PPEF1: variants seen among roughly 807,000 people sequenced by gnomAD.
PPEF1 encodes the protein protein phosphatase with EF-hand domain 1, also known as serine/threonine-protein phosphatase with EF-hands 1.
In PPEF1, 12 loss-of-function variants were observed where a neutral mutation model predicts 53.3. The ratio of observed to expected loss-of-function variants is 0.23; its 90% CI spans 0.14 to 0.36. The LOEUF (loss-of-function observed/expected upper bound fraction) is 0.36, where lower values mean the gene tolerates loss of function less well. Among genes scored for constraint, PPEF1 ranks in the 10% least tolerant of loss-of-function variants. The probability of loss-of-function intolerance (pLI) is 1.00; values close to 1 mark genes in which losing one functional copy is unlikely to be tolerated. For missense variants in PPEF1, 334 were observed against 490.4 expected, an observed-to-expected ratio of 0.68 and a Z score of 3.01; for synonymous variants, 165 against 176.7, an observed-to-expected ratio of 0.93 and a Z score of 0.52.
At chrX:18,811,476 G>C (rs1034849784) in intron 12 of PPEF1, among the ~76,000 whole-genome samples, 1 of 109,203 alleles carries the variant, frequency 9.2e-6, no homozygotes, top group Non-Finnish European at 1.9e-5. Context: ...TTGGACATTT[G>C]TACATCTTCT....
intron 1 of PPEF1, among the ~76,000 whole-genome samples, chrX:18,710,644 G>A (rs1008770166): frequency 3.6e-5 from 4 of 111,249 alleles, no homozygotes; most frequent in African/African-American, 6.5e-5. Context: ...CTTACATACC[G>A]GTCAGAATGG....
chrX:18,758,110 G>C (rs976775598), intron 5 of PPEF1, among the ~76,000 whole-genome samples: 1 of 111,731 alleles, frequency 9.0e-6, no homozygotes. Flanking sequence ...AGAAAAGCCC[G>C]TGGCGGGGTG....
chrX:18,783,220 G>A (rs888275437), intron 8 of PPEF1, among the ~76,000 whole-genome samples: 1 of 109,841 alleles, frequency 9.1e-6, no homozygotes, highest in African/African-American at 3.3e-5. Flanking sequence ...CTGGGCCACA[G>A]AGGTTGTCCC....
At chrX:18,760,446 A>G (rs1044302439) in intron 5 of PPEF1, among the ~76,000 whole-genome samples, 1 of 111,302 alleles carries the variant, frequency 9.0e-6, no homozygotes, top group African/African-American at 3.3e-5. Context: ...AAAAAGCTAT[A>G]TACTTAGCCA....
At chrX:18,781,145 A>G (rs1232321417) in intron 7 of PPEF1, among the ~76,000 whole-genome samples, 1 of 110,384 alleles carries the variant, frequency 9.1e-6, no homozygotes, top group Non-Finnish European at 1.9e-5. Context: ...ATCATTCACG[A>G]TATTGGGAAT....
intron 10 of PPEF1, among the ~76,000 whole-genome samples, chrX:18,794,055 A>T (rs371657993): frequency 8.9e-6 from 1 of 112,315 alleles, no homozygotes; most frequent in African/African-American, 3.2e-5. Context: ...AGCCTTCACT[A>T]ATTGCTAGCC....
At chrX:18,746,219 ATTG>A (rs2045326291) in intron 3 of PPEF1, among the ~76,000 whole-genome samples, 1 of 112,479 alleles carries the variant, frequency 8.9e-6, no homozygotes, top group African/African-American at 3.2e-5. Context: ...TCATTAAATT[ATTG>A]TTATTAGTTA....
chrX:18,816,692 T>G (rs1391257985), intron 12 of PPEF1, among the ~76,000 whole-genome samples: 5 of 112,006 alleles, frequency 4.5e-5, no homozygotes, highest in African/African-American at 1.3e-4. Context: ...CCGTTTTTGC[T>G]TCATGTAGTT....
chrX:18,775,702 C>G (rs1231049221), intron 6 of PPEF1, among the ~76,000 whole-genome samples: 3 of 112,034 alleles, frequency 2.7e-5, no homozygotes, highest in Admixed American at 9.5e-5. Context: ...GTCTGTCTCT[C>G]TCTAGTTGCC....
chrX:18,781,225 AC>A (rs771478938), intron 7 of PPEF1, among the ~76,000 whole-genome samples: 1 of 110,605 alleles, frequency 9.0e-6, no homozygotes, highest in East Asian at 2.9e-4. Flanking sequence ...GATTTGAGGT[AC>A]TATTGAGTAG....
At chrX:18,821,340 TAGAG>T (rs1296901240) in intron 13 of PPEF1, among the ~76,000 whole-genome samples, 3 of 111,135 alleles carry the variant, frequency 2.7e-5, no homozygotes, top group Non-Finnish European at 3.8e-5. Flanking sequence ...GGATGCAAAT[TAGAG>T]AGGCATTGAT....
intron 13 of PPEF1, among the ~76,000 whole-genome samples, chrX:18,821,736 G>A (rs1209168886): frequency 9.5e-6 from 1 of 104,899 alleles, no homozygotes; most frequent in East Asian, 3.1e-4. Flanking sequence ...TGAGGGAACT[G>A]TTGAAGTTGA....
At chrX:18,739,936 G>T (rs973845488) in intron 3 of PPEF1, among the ~76,000 whole-genome samples, 19 of 112,713 alleles carry the variant, frequency 1.7e-4, no homozygotes, top group African/African-American at 6.1e-4. Context: ...CTCCAAGCCA[G>T]GTGTGGGATA....
intron 6 of PPEF1, among the ~76,000 whole-genome samples, chrX:18,766,065 C>CA (rs61277288): frequency 1.9e-3 from 123 of 63,816 alleles, no homozygotes; most frequent in South Asian, 7.9e-3. Context: ...AACTCTGTCT[C>CA]AAAAAAAAAA....
chrX:18,748,886 A>G (rs1569255472), intron 3 of PPEF1, among the ~76,000 whole-genome samples: 1 of 112,256 alleles, frequency 8.9e-6, no homozygotes, highest in African/African-American at 3.2e-5. Flanking sequence ...TCTTTAGGCC[A>G]GTACAAGTCA....
chrX:18,814,345 G>A (rs747568255), intron 12 of PPEF1, among the ~76,000 whole-genome samples: 1 of 111,330 alleles, frequency 9.0e-6, no homozygotes, highest in South Asian at 3.8e-4. Flanking sequence ...ATTTTCCTTT[G>A]GGTATATACC....
Position 18,749,812 on chromosome X carries a change from G to A in PPEF1, c.256G>A (p.Glu86Lys). The A allele has an allele frequency of 8.7e-7, 1 of 1,155,770 alleles. No homozygotes were observed. The highest frequency in any genetic ancestry group is 1.1e-6 in the Non-Finnish European group (1 of 870,008). ...EELELRNQSL[E>K]SEQDMRDRWD... ...TCCAGAATTAAGAAATCAGTCTCTT[G>A]AAAGCGAACAGGACATGAGGGATAG... Residue 86 changes from glutamate to lysine, a missense_variant, in exon 4 of 16, where the codon GAA becomes AAA. Coordinates refer to ENST00000470157, the MANE Select transcript of PPEF1 (RefSeq NM_001377996.1).
At chrX:18,773,880 C>G (rs966115050) in intron 6 of PPEF1, among the ~76,000 whole-genome samples, 17 of 111,355 alleles carry the variant, frequency 1.5e-4, no homozygotes, top group Non-Finnish European at 2.8e-4. Context: ...TAAATCCTAG[C>G]TATTGCTCAT....
At chrX:18,690,517 C>T (rs905194418) in intron 3 of PPEF1, among the ~76,000 whole-genome samples, 2 of 110,447 alleles carry the variant, frequency 1.8e-5, no homozygotes, top group Non-Finnish European at 3.8e-5. Context: ...GCTGGGATTA[C>T]AGGTGCCCGC....
Sources: allele counts gnomAD v4.1 joint callset (sites outside exome capture counted in the v4.1 genomes callset), GRCh38; gene constraint gnomAD v4.1.1; transcripts MANE v1.5; gene names NCBI Gene and HGNC (gene_info 2026-07-23, HGNC 2026-07-21).